Variants in TSPEAR observed in about 807,000 individuals in gnomAD.
The protein encoded by TSPEAR is thrombospondin-type laminin G domain and EAR repeat-containing protein.
In TSPEAR, 69 loss-of-function variants were observed where a neutral mutation model predicts 71.6. That is an observed-to-expected ratio of 0.96 (90% confidence interval 0.79 to 1.18). TSPEAR has a LOEUF of 1.18. Ranked by LOEUF, TSPEAR falls within the 50% of genes most tolerant of loss-of-function variation. TSPEAR has a pLI of 0.00. For synonymous variants in TSPEAR, 402 were observed against 387.2 expected (o/e 1.04, Z -0.45); for missense variants, 971 against 894.9 (o/e 1.09, Z -1.09).
intron 1 of TSPEAR, chr21:44,646,628 G>A: frequency 6.2e-7 from 1 of 1,613,144 alleles, no homozygotes; most frequent in South Asian, 1.1e-5. Flanking sequence ...TCCAGCCCCT[G>A]CTGCCAGGCG....
Position 44,642,841 on chromosome 21 carries a change from CA to C in TSPEAR, c.82+68591del, listed in dbSNP as rs797024274. Among the ~76,000 whole-genome samples the C allele has an allele frequency of 6.6e-4, 94 of 142,050 alleles. No homozygotes were observed. The highest frequency in any genetic ancestry group is 1.1e-3 in the South Asian group (5 of 4,478). 93.2% of individuals were successfully genotyped at this position (142,050 alleles called of 152,430 possible). A position where few individuals can be genotyped will look rare whatever the true frequency, so the allele number is the denominator to read the frequency against. The stretch of plus-strand genomic sequence containing the variant: ...TGGGCAACAGAGCGAGACTCTATCT[CA>C]AAAAAAAAAAATTAAAAACTTAAAA... On this transcript the variant is annotated intron_variant, in intron 1 of 11. Transcript: ENST00000323084. The surrounding 1 kb of genome is among the most constrained non-coding windows in gnomAD (Gnocchi z 4.1).
chr21:44,518,160 G>A, intron 9 of TSPEAR: 1 of 371,568 alleles, frequency 2.7e-6, no homozygotes, highest in South Asian at 2.2e-5. Context: ...GTATCATCTT[G>A]AATACTTCTG....
intron 1 of TSPEAR, among the ~76,000 whole-genome samples, chr21:44,641,878 G>C (rs587609976): frequency 2.0e-5 from 3 of 152,088 alleles, no homozygotes; most frequent in African/African-American, 7.2e-5. Context: ...ACAGGGATCC[G>C]GAAAATTTAC....
At chr21:44,665,902 A>G (rs1985727507) in intron 1 of TSPEAR, among the ~76,000 whole-genome samples, 1 of 152,204 alleles carries the variant, frequency 6.6e-6, no homozygotes, top group Non-Finnish European at 1.5e-5. Context: ...TTTGGCCATC[A>G]GTGCAGGGCT....
intron 2 of TSPEAR, among the ~76,000 whole-genome samples, chr21:44,554,483 G>A (rs1421420414): frequency 3.3e-5 from 5 of 152,252 alleles, no homozygotes; most frequent in African/African-American, 1.2e-4. Context: ...CAGATACAAA[G>A]ACAGGAAGAC....
intron 1 of TSPEAR, among the ~76,000 whole-genome samples, chr21:44,591,042 CA>C: frequency 6.6e-6 from 1 of 151,604 alleles, no homozygotes; most frequent in Non-Finnish European, 1.5e-5. Flanking sequence ...TCCCTGCAGT[CA>C]GGGGTGGCAT....
At chr21:44,649,453 A>G (rs1385364517) in intron 1 of TSPEAR, among the ~76,000 whole-genome samples, 4 of 152,112 alleles carry the variant, frequency 2.6e-5, no homozygotes, top group African/African-American at 7.2e-5. Flanking sequence ...TGGTTCCCAA[A>G]CGGCTCCCCC....
In TSPEAR at chr21:44,551,342, T is replaced by C. The variant is rs587667536; in HGVS notation, c.303+16443A>G. The C allele has an allele frequency of 1.9e-3, 2,982 of 1,608,652 alleles. 52 individuals carry two copies. In the African/African-American group the frequency reaches 0.033, roughly 18 times the overall value. On this transcript the variant is annotated intron_variant, in intron 2 of 11. Transcript: ENST00000323084. ...TGCAGACCAGGGTCAGGCAGGGGGC[T>C]GGGGCACAGCAGCTGGGGGTGCCGC... is the stretch of plus-strand genomic sequence containing the variant.
intron 9 of TSPEAR, chr21:44,509,696 G>A (rs984309881): frequency 5.6e-6 from 2 of 354,590 alleles, no homozygotes; most frequent in Non-Finnish European, 1.1e-5. Context: ...TGCCAGACGT[G>A]GCACTCCTGC....
At chr21:44,618,792 T>C (rs587601905) in intron 1 of TSPEAR, among the ~76,000 whole-genome samples, 1 of 152,298 alleles carries the variant, frequency 6.6e-6, no homozygotes, top group African/African-American at 2.4e-5. Flanking sequence ...GAGGAGCAGC[T>C]ATATGGAGGG....
At chr21:44,534,255 C>T (rs1239538666) in intron 2 of TSPEAR, among the ~76,000 whole-genome samples, 4 of 6,744 alleles carry the variant, frequency 5.9e-4, no homozygotes, top group Non-Finnish European at 9.7e-4. Context: ...TGGTGTGGGG[C>T]GGGGCTGGTG....
At chr21:44,628,112 C>T in intron 1 of TSPEAR, 9 of 1,549,498 alleles carry the variant, frequency 5.8e-6, no homozygotes, top group South Asian at 2.4e-5. Flanking sequence ...CCTTGGACCT[C>T]CCAGCCCACC....
chr21:44,500,856 T>C (rs1331376550), intron 11 of TSPEAR, among the ~76,000 whole-genome samples: 1 of 152,270 alleles, frequency 6.6e-6, no homozygotes, highest in Non-Finnish European at 1.5e-5. Context: ...GTGTGTGTGG[T>C]AAAGAGTTTG....
chr21:44,514,795 G>A (rs1201252598), intron 9 of TSPEAR, among the ~76,000 whole-genome samples: 1 of 152,034 alleles, frequency 6.6e-6, no homozygotes, highest in African/African-American at 2.4e-5. Context: ...CTGGTGGGAT[G>A]GGCAGAAAGA....
At chr21:44,540,507 G>C (rs1842587586) in intron 2 of TSPEAR, among the ~76,000 whole-genome samples, 1 of 152,192 alleles carries the variant, frequency 6.6e-6, no homozygotes, top group Non-Finnish European at 1.5e-5. Flanking sequence ...GGCTGCGGAG[G>C]CAGGGGTGGC....
chr21:44,525,222 T>C (rs2052828987), intron 8 of TSPEAR, among the ~76,000 whole-genome samples: 1 of 152,074 alleles, frequency 6.6e-6, no homozygotes. Flanking sequence ...AGGTCGTCAA[T>C]CAGTCAGTCA....
In TSPEAR at chr21:44,508,799, TGGCAGCTGGCACTGGCA is replaced by T. The variant is rs2052269848; in HGVS notation, c.1754+383_1754+399del. On this transcript the variant is annotated intron_variant, in intron 10 of 11. Coordinates refer to ENST00000323084, the MANE Select transcript of TSPEAR (RefSeq NM_144991.3). ...GGGGGAAGGAAGTAATCATGTCTGGTGGCAGCTGGCACTGGCAGGCAGCGGGCACTCGAAGCCTGCAC... is the reference window on the plus strand; with the variant it reads ...GGGGGAAGGAAGTAATCATGTCTGGTGGCAGCGGGCACTCGAAGCCTGCAC... 3.0e-6 allele frequency: 4 copies of T among 1,326,366 alleles called. No individual in the cohort carries two copies. The East Asian group carries it at 2.1e-4, about 68-fold the overall frequency. 82.2% of individuals were successfully genotyped at this position (1,326,366 alleles called of 1,614,324 possible). A position where few individuals can be genotyped will look rare whatever the true frequency, so the allele number is the denominator to read the frequency against.
chr21:44,518,322 C>T (rs984719175), intron 9 of TSPEAR: 3 of 468,330 alleles, frequency 6.4e-6, no homozygotes, highest in African/African-American at 6.0e-5. Flanking sequence ...GGGTGACACG[C>T]AGCTGGCCAG....
At chr21:44,690,180 G>T (rs1987067909) in intron 1 of TSPEAR, among the ~76,000 whole-genome samples, 1 of 152,156 alleles carries the variant, frequency 6.6e-6, no homozygotes, top group Admixed American at 6.5e-5. Context: ...AGATAAAAAA[G>T]AAATGAGGAA....
Sources: allele counts gnomAD v4.1 joint callset (sites outside exome capture counted in the v4.1 genomes callset), GRCh38; gene constraint gnomAD v4.1.1; non-coding constraint Gnocchi (gnomAD v3.1); transcripts MANE v1.5; gene names NCBI Gene and HGNC (gene_info 2026-07-23, HGNC 2026-07-21).